MEI4: variants seen among roughly 807,000 people sequenced by gnomAD.
MEI4 encodes the protein meiosis-specific protein MEI4.
In MEI4, 27 loss-of-function variants were observed where a neutral mutation model predicts 31.4. That is an observed-to-expected ratio of 0.86 (90% CI 0.63 to 1.19). The LOEUF (loss-of-function observed/expected upper bound fraction) is 1.19. Ranked by LOEUF, MEI4 falls within the 50% of genes most tolerant of loss-of-function variation. The probability of loss-of-function intolerance (pLI) is 0.00; values close to 1 mark genes in which losing one functional copy is unlikely to be tolerated. For missense variants in MEI4, 329 were observed against 398.9 expected (o/e 0.82, Z 1.49); for synonymous variants, 122 against 145.4 (o/e 0.84, Z 1.16).
At chr6:77,735,048 C>G (rs955499540) in intron 2 of MEI4, among the ~76,000 whole-genome samples, 1 of 152,072 alleles carries the variant, frequency 6.6e-6, no homozygotes, top group Non-Finnish European at 1.5e-5. Context: ...CCGTACCTTT[C>G]TCTCTGGCTG....
intron 3 of MEI4, among the ~76,000 whole-genome samples, chr6:77,805,390 TA>T (rs1448372921): frequency 6.6e-6 from 1 of 152,130 alleles, no homozygotes; most frequent in East Asian, 1.9e-4. Context: ...GTGTTCATTT[TA>T]TTTTCAGTTA....
chr6:77,748,621 C>T (rs1352937001), intron 2 of MEI4, among the ~76,000 whole-genome samples: 2 of 152,180 alleles, frequency 1.3e-5, no homozygotes, highest in African/African-American at 4.8e-5. Flanking sequence ...GACATTTTCC[C>T]CATTGTCTTG....
chr6:77,727,793 T>G (rs1290434839), intron 2 of MEI4, among the ~76,000 whole-genome samples: 1 of 152,240 alleles, frequency 6.6e-6, no homozygotes, highest in African/African-American at 2.4e-5. Flanking sequence ...TAAGCCTATA[T>G]AAGGCCCACT....
intron 4 of MEI4, among the ~76,000 whole-genome samples, chr6:77,856,468 A>G (rs950497505): frequency 1.1e-4 from 16 of 152,318 alleles, no homozygotes; most frequent in Admixed American, 9.8e-4. Flanking sequence ...CAGGAAGGAC[A>G]GGCTTCATGA....
intron 4 of MEI4, among the ~76,000 whole-genome samples, chr6:77,871,610 G>T (rs1008756884): frequency 5.9e-5 from 9 of 151,928 alleles, no homozygotes; most frequent in Admixed American, 1.3e-4. Context: ...TCAGTACATG[G>T]GTGACAGGAT....
chr6:77,766,696 G>A (rs541370869), intron 3 of MEI4, among the ~76,000 whole-genome samples: 3 of 152,284 alleles, frequency 2.0e-5, no homozygotes, highest in African/African-American at 7.2e-5. Context: ...ACAGGCGTGA[G>A]CCTGTAATCA....
chr6:77,877,012 A>G (rs1187743599), intron 4 of MEI4, among the ~76,000 whole-genome samples: 1 of 152,196 alleles, frequency 6.6e-6, no homozygotes, highest in Non-Finnish European at 1.5e-5. Flanking sequence ...CTTGCAGAAT[A>G]GATACTTGCC....
intron 4 of MEI4, among the ~76,000 whole-genome samples, chr6:77,920,222 T>C (rs1766671074): frequency 6.6e-6 from 1 of 151,870 alleles, no homozygotes; most frequent in African/African-American, 2.4e-5. Context: ...ACCAATATCC[T>C]TGATGAACAT....
At chr6:77,728,730 A>C (rs2127666241) in intron 2 of MEI4, among the ~76,000 whole-genome samples, 1 of 152,300 alleles carries the variant, frequency 6.6e-6, no homozygotes, top group Middle Eastern at 3.4e-3. Context: ...TGAGGCAGAA[A>C]GTTCAGTGAG....
chr6:77,650,353 A>G (rs1157405411), upstream of MEI4, among the ~76,000 whole-genome samples: 1 of 152,206 alleles, frequency 6.6e-6, no homozygotes, highest in Non-Finnish European at 1.5e-5. Flanking sequence ...GAAGGGGTCG[A>G]GTCGGCCGCA....
chr6:77,907,596 A>G (rs1028565770), intron 4 of MEI4, among the ~76,000 whole-genome samples: 42 of 152,292 alleles, frequency 2.8e-4, no homozygotes, highest in Non-Finnish European at 4.3e-4. Flanking sequence ...TGCAATAAAC[A>G]TATGTGTGCA....
chr6:77,881,546 G>C (rs1445335821), intron 4 of MEI4, among the ~76,000 whole-genome samples: 1 of 152,184 alleles, frequency 6.6e-6, no homozygotes, highest in Non-Finnish European at 1.5e-5. Flanking sequence ...TTTTCCACAT[G>C]GTTAGCTATA....
chr6:77,842,526 A>T (rs993907599), intron 4 of MEI4, among the ~76,000 whole-genome samples: 1 of 152,150 alleles, frequency 6.6e-6, no homozygotes, highest in African/African-American at 2.4e-5. Flanking sequence ...GAAGAAAATA[A>T]TGAATATAAG....
chr6:77,848,054 CTA>C (rs1344032080), intron 4 of MEI4, among the ~76,000 whole-genome samples: 1 of 152,070 alleles, frequency 6.6e-6, no homozygotes. Context: ...TTGAGGTTCT[CTA>C]TGTTTTTCTG....
At chr6:77,802,597 A>C (rs1342478254) in intron 3 of MEI4, among the ~76,000 whole-genome samples, 1 of 152,146 alleles carries the variant, frequency 6.6e-6, no homozygotes, top group East Asian at 1.9e-4. Flanking sequence ...TTGTTTTTGC[A>C]GTGGCTGGCA....
At chr6:77,799,814 T>C (rs1024852795) in intron 3 of MEI4, among the ~76,000 whole-genome samples, 8 of 152,188 alleles carry the variant, frequency 5.3e-5, no homozygotes, top group Non-Finnish European at 8.8e-5. Context: ...AGATATGCAG[T>C]GTTATTTCTG....
intron 1 of MEI4, among the ~76,000 whole-genome samples, chr6:77,685,677 A>T (rs9341683): frequency 6.6e-6 from 1 of 151,868 alleles, no homozygotes. Context: ...TTATGGTTTC[A>T]TGTTATATTT....
rs1191529288 is a variant in MEI4, at chr6:77,727,620, CTGT to C, written c.233-33509_233-33507del. ...TCATAGAAAGCAATTTCTTTGGTAT[CTGT>C]GATTGTCAGTAAGGTTTTAGAAAAT... On this transcript the variant is annotated intron_variant, in intron 2 of 4. Transcript: ENST00000684080. Among the ~76,000 whole-genome samples, 11 of 152,276 alleles carry C rather than the reference CTGT, an allele frequency of 7.2e-5. No homozygotes were observed. In the East Asian group the frequency reaches 2.1e-3, roughly 29 times the overall value.
chr6:77,799,568 C>A (rs1282159509), intron 3 of MEI4, among the ~76,000 whole-genome samples: 1 of 152,124 alleles, frequency 6.6e-6, no homozygotes, highest in African/African-American at 2.4e-5. Flanking sequence ...AGTCATTGCC[C>A]ATGCCTATGT....
Sources: allele counts gnomAD v4.1 joint callset (sites outside exome capture counted in the v4.1 genomes callset), GRCh38; gene constraint gnomAD v4.1.1; transcripts MANE v1.5; gene names NCBI Gene and HGNC (gene_info 2026-07-23, HGNC 2026-07-21).